OVCH1: variants seen among roughly 807,000 people sequenced by gnomAD.
OVCH1 encodes the protein ovochymase 1, also known as ovochymase-1.
Under a neutral mutation model 138.4 loss-of-function variants are expected in OVCH1, and 139 were observed. The observed-to-expected ratio is 1.00, with a 90% CI of 0.87 to 1.16. The LOEUF (loss-of-function observed/expected upper bound fraction) is 1.16. Among genes scored for constraint, OVCH1 ranks in the 50% most tolerant of loss-of-function variants. The pLI is 0.00. For missense variants in OVCH1, 1,367 were observed against 1,357.9 expected, an observed-to-expected ratio of 1.01 and a Z score of -0.11; for synonymous variants, 453 against 467.8, an observed-to-expected ratio of 0.97 and a Z score of 0.41.
At chr12:29,446,642 A>G (rs1941623398) in intron 22 of OVCH1, among the ~76,000 whole-genome samples, 1 of 152,120 alleles carries the variant, frequency 6.6e-6, no homozygotes. Flanking sequence ...ATGGTTTTCA[A>G]TAGGTAATAA....
intron 14 of OVCH1, among the ~76,000 whole-genome samples, chr12:29,473,986 C>T (rs1426750169): frequency 3.3e-5 from 5 of 151,964 alleles, no homozygotes; most frequent in Non-Finnish European, 7.4e-5. Context: ...GGGACTCGGA[C>T]TGGCTTTCCT....
At chr12:29,495,368 A>C in exon 4 of OVCH1, 3 of 1,613,256 alleles carry the variant, frequency 1.9e-6, no homozygotes, top group Non-Finnish European at 2.5e-6. Flanking sequence ...ATGGGTAATA[A>C]TTTTTGAGAC....
intron 25 of OVCH1, among the ~76,000 whole-genome samples, chr12:29,441,898 A>G (rs1941494723): frequency 6.6e-6 from 1 of 152,194 alleles, no homozygotes; most frequent in Non-Finnish European, 1.5e-5. Context: ...CCATCAGAGA[A>G]ATGCAAATCA....
chr12:29,475,099 A>G, exon 14 of OVCH1: 2 of 1,581,230 alleles, frequency 1.3e-6, no homozygotes, highest in Non-Finnish European at 1.7e-6. Context: ...GAAGCCTTGT[A>G]AACGATTTTT....
intron 23 of OVCH1, 54 bp from the exon 24 acceptor site, chr12:29,444,334 T>C (rs915350741): frequency 1.3e-6 from 2 of 1,543,758 alleles, no homozygotes; most frequent in Admixed American, 3.5e-5. Flanking sequence ...TTAACAGGCT[T>C]CCTATATGCC....
chr12:29,448,051 C>T (rs1241795948), intron 22 of OVCH1, among the ~76,000 whole-genome samples: 1 of 150,756 alleles, frequency 6.6e-6, no homozygotes, highest in East Asian at 1.9e-4. Context: ...CTTTTTGGCA[C>T]CTGGCTTCGT....
At chr12:29,487,653 C>T (rs751552020) in intron 7 of OVCH1, 40 bp downstream of exon 7, 12 of 1,526,720 alleles carry the variant, frequency 7.9e-6, no homozygotes, top group Non-Finnish European at 1.1e-5. Flanking sequence ...AGTAACTACC[C>T]TTGAGTTAGG....
chr12:29,404,396 A>G, the OVCH1 span, among the ~76,000 whole-genome samples: 3 of 152,208 alleles, frequency 2.0e-5, no homozygotes, highest in African/African-American at 4.8e-5. Context: ...ATTAACCCCA[A>G]CTGCAGAGGA....
intron 27 of OVCH1, among the ~76,000 whole-genome samples, chr12:29,431,963 C>G (rs1158481064): frequency 6.6e-6 from 1 of 152,180 alleles, no homozygotes; most frequent in Non-Finnish European, 1.5e-5. Flanking sequence ...TTTTCCACTC[C>G]TACTCTGCCT....
At chr12:29,411,383 T>A (rs1370930635), downstream of OVCH1, among the ~76,000 whole-genome samples, 1 of 151,654 alleles carries the variant, frequency 6.6e-6, no homozygotes, top group East Asian at 1.9e-4. Flanking sequence ...GGTGCTCTGC[T>A]TTTTAGAGTT....
At chr12:29,419,582 C>T (rs1941075922) in intron 3 of OVCH1, among the ~76,000 whole-genome samples, 1 of 152,086 alleles carries the variant, frequency 6.6e-6, no homozygotes, top group African/African-American at 2.4e-5. Context: ...GCATGAGCCA[C>T]TGCGCCTGGC....
intron 26 of OVCH1, among the ~76,000 whole-genome samples, chr12:29,435,728 C>A (rs1183892761): frequency 6.6e-6 from 1 of 152,078 alleles, no homozygotes; most frequent in Admixed American, 6.6e-5. Flanking sequence ...TTCTAAAGCA[C>A]CCCTCAGAAG....
chr12:29,470,171 T>A (rs7296554), intron 16 of OVCH1, among the ~76,000 whole-genome samples: 24,283 of 152,112 alleles, frequency 0.16, 2,060 homozygotes, highest in African/African-American at 0.22. Context: ...CCAAAAGCAA[T>A]GGTATGAATA....
chr12:29,455,873 G>A (rs1941937596), intron 19 of OVCH1, among the ~76,000 whole-genome samples: 1 of 151,982 alleles, frequency 6.6e-6, no homozygotes, highest in African/African-American at 2.4e-5. Flanking sequence ...GGGTCATTGG[G>A]TGGTAACCTC....
rs1462468055 is a variant in OVCH1 at position 29,431,336 on chromosome 12, G to A, written c.3327+2415C>T. 2.0e-5 allele frequency among the ~76,000 whole-genome samples: 3 copies of A among 152,158 alleles called. No homozygotes were observed. In the East Asian group the frequency reaches 5.8e-4, roughly 29 times the overall value. On this transcript the variant is annotated intron_variant, in intron 27 of 27. Coordinates refer to ENST00000318184, the Ensembl canonical transcript of OVCH1. The stretch of plus-strand genomic sequence containing the variant: ...ACTTGTGATCCCAGCTACTTGGGAG[G>A]CTGAGGTGGGAGGTTCACTTGAGCC...
chr12:29,489,857 A>C, intron 5 of OVCH1, 86 bp from the exon 6 acceptor site: 1 of 1,398,378 alleles, frequency 7.2e-7, no homozygotes. Flanking sequence ...AACTATTTCA[A>C]ACAGATTTTT....
chr12:29,444,620 G>C (rs967811090), intron 23 of OVCH1, among the ~76,000 whole-genome samples: 1 of 151,830 alleles, frequency 6.6e-6, no homozygotes, highest in African/African-American at 2.4e-5. Flanking sequence ...TGATATAAAT[G>C]CTTTATTACT....
At chr12:29,486,660 G>A (rs946898856) in intron 7 of OVCH1, among the ~76,000 whole-genome samples, 2 of 152,108 alleles carry the variant, frequency 1.3e-5, no homozygotes, top group African/African-American at 4.8e-5. Context: ...AGCCAGTTCT[G>A]GAAAGAGATA....
rs77048810 is a variant in OVCH1 at position 29,476,042 on chromosome 12, G to T, written c.1471+164C>A. On this transcript the variant is annotated intron_variant, in intron 13 of 27. Transcript: ENST00000318184. ...TAAAAACTTTACTGGCGAATTAGTTGCTGGCTCATAGGTTTTAAAGCTAAA... is the reference window on the plus strand; with the variant it reads ...TAAAAACTTTACTGGCGAATTAGTTTCTGGCTCATAGGTTTTAAAGCTAAA... Among the ~76,000 whole-genome samples, 163 of 152,260 alleles carry T rather than the reference G, an allele frequency of 1.1e-3. 1 individual carries two copies. Among genetic ancestry groups the T allele is most frequent in the African/African-American group, 3.8e-3 (159 of 41,546 alleles).
Sources: allele counts gnomAD v4.1 joint callset (sites outside exome capture counted in the v4.1 genomes callset), GRCh38; gene constraint gnomAD v4.1.1; transcripts MANE v1.5; gene names NCBI Gene and HGNC (gene_info 2026-07-23, HGNC 2026-07-21).